The following ADAMTS2 variants were observed in gnomAD, a reference collection of about 807,000 sequenced individuals.
ADAMTS2 encodes the protein ADAM metallopeptidase with thrombospondin type 1 motif 2.
A neutral mutation model predicts 123.0 loss-of-function variants in ADAMTS2; 50 were observed. The observed-to-expected ratio is 0.41, with a 90% CI of 0.32 to 0.51. The LOEUF is 0.51. Among genes scored for constraint, ADAMTS2 ranks in the 20% least tolerant of loss-of-function variants. ADAMTS2 has a pLI of 0.35. For synonymous variants in ADAMTS2, 678 were observed against 695.4 expected (o/e 0.98, Z 0.39); for missense variants, 1,494 against 1,705.2 (o/e 0.88, Z 2.18).
rs1158708720 is a variant in ADAMTS2 at position 179,262,520 on chromosome 5, T to C, written c.688+10391A>G. ...CCCATCCCTCCCGGCCCTGCACGCC[T>C]CCCACTCCCCCATTACGTCCTCAGT... is the stretch of plus-strand genomic sequence containing the variant. On this transcript the variant is annotated intron_variant, in intron 3 of 21. Coordinates refer to ENST00000251582, the MANE Select transcript of ADAMTS2 (RefSeq NM_014244.5). The surrounding 1 kb of genome is among the most constrained non-coding windows in gnomAD (Gnocchi z 5.9). Among the ~76,000 whole-genome samples, 1 of 151,962 alleles carries C rather than the reference T, an allele frequency of 6.6e-6. No homozygotes were observed. The highest frequency in any genetic ancestry group is 2.4e-5 in the African/African-American group (1 of 41,366).
intron 20 of ADAMTS2, 91 bp from the exon 21 acceptor site, chr5:179,121,841 G>C (rs941448883): frequency 5.6e-6 from 5 of 893,382 alleles, no homozygotes; most frequent in Non-Finnish European, 8.4e-6. Flanking sequence ...CGGGGTCCTG[G>C]GGAAGCGTCA....
chr5:179,161,327 A>T (rs1561784115), intron 5 of ADAMTS2, among the ~76,000 whole-genome samples: 5 of 152,118 alleles, frequency 3.3e-5, no homozygotes, highest in African/African-American at 9.7e-5. Context: ...CTCGGGGTGG[A>T]TGTGATTCGG....
chr5:179,171,410 C>T (rs1175074207), intron 5 of ADAMTS2, among the ~76,000 whole-genome samples: 2 of 152,204 alleles, frequency 1.3e-5, no homozygotes, highest in African/African-American at 4.8e-5. Context: ...CAGCCCAGCC[C>T]CTAGCAGTGC....
chr5:179,233,795 A>G (rs946762955), intron 3 of ADAMTS2, among the ~76,000 whole-genome samples: 1 of 152,216 alleles, frequency 6.6e-6, no homozygotes, highest in African/African-American at 2.4e-5. Context: ...AGCCATCTCC[A>G]GGTCCCCAAG....
At chr5:179,324,241 T>C (rs1757254551) in intron 2 of ADAMTS2, among the ~76,000 whole-genome samples, 1 of 152,196 alleles carries the variant, frequency 6.6e-6, no homozygotes, top group Non-Finnish European at 1.5e-5. Flanking sequence ...TCTGTGAACA[T>C]ACTAAAGCCA....
intron 3 of ADAMTS2, among the ~76,000 whole-genome samples, chr5:179,258,390 T>C (rs1766125354): frequency 6.6e-6 from 1 of 152,168 alleles, no homozygotes; most frequent in Admixed American, 6.5e-5. Flanking sequence ...CTTTTTGCCC[T>C]GCTGGACGTC....
Position 179,130,655 on chromosome 5 carries a change from T to C in ADAMTS2, c.2291-557A>G, listed in dbSNP as rs912936920. On this transcript the variant is annotated intron_variant, in intron 15 of 21. Coordinates refer to ENST00000251582, the MANE Select transcript of ADAMTS2 (RefSeq NM_014244.5). The surrounding 1 kb of genome is among the most constrained non-coding windows in gnomAD (Gnocchi z 4.3). ...GCCTGATTGGGTGACACTCAGGTCA[T>C]CTAGGAGCAGAGGACCTGGCTAGCC... is the stretch of plus-strand genomic sequence containing the variant. Among the ~76,000 whole-genome samples, 2 of 152,150 alleles carry C rather than the reference T, an allele frequency of 1.3e-5. No individual in the cohort carries two copies. The highest frequency in any genetic ancestry group is 4.8e-5 in the African/African-American group (2 of 41,440).
chr5:179,120,060 G>C (rs948117700), intron 21 of ADAMTS2: 1 of 152,110 alleles, frequency 6.6e-6, no homozygotes, highest in African/African-American at 2.4e-5. Context: ...GGGCAGTAAA[G>C]TCATTCAAAT....
intron 3 of ADAMTS2, among the ~76,000 whole-genome samples, chr5:179,227,211 C>T (rs982657289): frequency 2.0e-5 from 3 of 152,180 alleles, no homozygotes; most frequent in African/African-American, 7.2e-5. Flanking sequence ...CAGAAAGGAG[C>T]TGAGTTCCAG....
intron 10 of ADAMTS2, among the ~76,000 whole-genome samples, chr5:179,143,913 A>G (rs10039254): frequency 0.39 from 59,434 of 152,014 alleles, 11,780 homozygotes; most frequent in African/African-American, 0.45. Context: ...CATATATTCC[A>G]ATCAGAGTCT....
In ADAMTS2 at chr5:179,189,043, G is replaced by A. The variant is rs556212869; in HGVS notation, c.892-7888C>T. 2.6e-5 allele frequency among the ~76,000 whole-genome samples: 4 copies of A among 152,302 alleles called. No homozygotes were observed. The East Asian group carries it at 5.8e-4, about 22-fold the overall frequency. ...GGTCAGATTTCATGGGTGCCAGCAT[G>A]GGCTCTGCCACAATCCTGCTGCGTG... On this transcript the variant is annotated intron_variant, in intron 4 of 21. Coordinates refer to ENST00000251582, the MANE Select transcript of ADAMTS2 (RefSeq NM_014244.5). The surrounding 1 kb of genome is among the most constrained non-coding windows in gnomAD (Gnocchi z 4.2).
intron 2 of ADAMTS2, among the ~76,000 whole-genome samples, chr5:179,324,124 G>A (rs992033462): frequency 6.6e-6 from 1 of 152,204 alleles, no homozygotes; most frequent in Admixed American, 6.5e-5. Flanking sequence ...GTAGGTCAGT[G>A]GTTGCCTAGG....
intron 4 of ADAMTS2, among the ~76,000 whole-genome samples, chr5:179,192,960 C>T (rs921268849): frequency 3.3e-5 from 5 of 152,208 alleles, no homozygotes; most frequent in Admixed American, 6.5e-5. Context: ...CAGCCGCACG[C>T]GCCTTCTCCC....
rs1342088047 is a variant in ADAMTS2, at chr5:179,225,590, G to A, written c.689-17875C>T. On this transcript the variant is annotated intron_variant, in intron 3 of 21. Transcript: ENST00000251582. The surrounding 1 kb of genome is among the most constrained non-coding windows in gnomAD (Gnocchi z 4.5). ...CGCATGAGGGGAGGAACACACAGGC[G>A]GCTGGACGTCGAGAGGAACGCACCA... 2.6e-5 allele frequency among the ~76,000 whole-genome samples: 4 copies of A among 152,114 alleles called. No homozygotes were observed. The highest frequency in any genetic ancestry group is 1.9e-4 in the East Asian group (1 of 5,180).
At chr5:179,315,331 G>GGAAAGCACTGAGGCCACAGGGGGCTTCT (rs1195221011) in intron 2 of ADAMTS2, among the ~76,000 whole-genome samples, 1 of 49,078 alleles carries the variant, frequency 2.0e-5, no homozygotes, top group African/African-American at 8.3e-5. Flanking sequence ...ACAGTGCTTT[G>GGAAAGCACTGAGGCCACAGGGGGCTTCT]GGAAGGTCAT....
intron 2 of ADAMTS2, among the ~76,000 whole-genome samples, chr5:179,340,545 T>G (rs879764266): frequency 2.0e-5 from 3 of 152,226 alleles, no homozygotes; most frequent in Admixed American, 2.0e-4. Flanking sequence ...TTTGTAGGCA[T>G]GCAGGAAAAG....
intron 2 of ADAMTS2, among the ~76,000 whole-genome samples, chr5:179,281,085 T>C (rs1181012976): frequency 2.0e-5 from 3 of 152,198 alleles, no homozygotes; most frequent in Non-Finnish European, 4.4e-5. Context: ...CTCAAACTCC[T>C]GACCTCAGGT....
intron 3 of ADAMTS2, among the ~76,000 whole-genome samples, chr5:179,263,718 G>C (rs746755126): frequency 2.6e-5 from 4 of 152,248 alleles, no homozygotes; most frequent in African/African-American, 9.6e-5. Flanking sequence ...TGTCCCAAAC[G>C]TGTGTGTGCA....
intron 17 of ADAMTS2, among the ~76,000 whole-genome samples, chr5:179,127,360 G>C (rs1246083848): frequency 1.3e-5 from 2 of 152,130 alleles, no homozygotes; most frequent in Non-Finnish European, 2.9e-5. Flanking sequence ...TTGTCCTCCA[G>C]GTGTGGGCCC....
Sources: gnomAD v4.1 joint callset for allele counts (sites outside exome capture counted in the v4.1 genomes callset) on GRCh38, gnomAD v4.1.1 for gene constraint, Gnocchi (gnomAD v3.1) non-coding constraint, MANE v1.5 for transcripts, NCBI Gene and HGNC (gene_info 2026-07-23, HGNC 2026-07-21) for gene names.